The following DGKB variants were observed in gnomAD, a reference collection of about 807,000 sequenced individuals.
DGKB encodes 90 kDa diacylglycerol kinase.
In DGKB, 67 loss-of-function variants were observed where a neutral mutation model predicts 114.3. That is an observed-to-expected ratio of 0.59 (90% CI 0.48 to 0.72). DGKB has a LOEUF of 0.72. DGKB is among the 30% of genes least tolerant of loss of function. The pLI, the probability that DGKB is intolerant of heterozygous loss-of-function variation, is 0.00. For missense variants in DGKB, 907 were observed against 975.2 expected (o/e 0.93, Z 0.93); for synonymous variants, 398 against 323.1 (o/e 1.23, Z -2.49).
intron 2 of DGKB, among the ~76,000 whole-genome samples, chr7:14,780,535 C>T (rs1283189693): frequency 6.6e-6 from 1 of 152,162 alleles, no homozygotes; most frequent in Non-Finnish European, 1.5e-5. Context: ...TTCCAAGCAT[C>T]AGGTAAATTC....
At chr7:14,579,473 T>C (rs551790424) in intron 19 of DGKB, among the ~76,000 whole-genome samples, 8 of 152,352 alleles carry the variant, frequency 5.3e-5, no homozygotes, top group African/African-American at 1.4e-4. Context: ...ACATCAAATA[T>C]ATGTTCCAGG....
At chr7:14,952,361 G>A (rs924941217) in intron 1 of DGKB, among the ~76,000 whole-genome samples, 7 of 151,880 alleles carry the variant, frequency 4.6e-5, no homozygotes, top group South Asian at 2.1e-4. Context: ...ATATAACATC[G>A]CACGTACATG....
chr7:14,415,498 C>T (rs1174812193), intron 21 of DGKB, among the ~76,000 whole-genome samples: 2 of 151,488 alleles, frequency 1.3e-5, no homozygotes, highest in Non-Finnish European at 2.9e-5. Context: ...TCAATTCCCA[C>T]CTATGAGTGA....
chr7:14,379,001 A>C (rs75117155), intron 21 of DGKB, among the ~76,000 whole-genome samples: 3,464 of 152,054 alleles, frequency 0.023, 70 homozygotes, highest in South Asian at 0.11. Flanking sequence ...AAAGTAAAGC[A>C]TAATGAGATT....
At chr7:14,381,058 T>C (rs916941834) in intron 21 of DGKB, among the ~76,000 whole-genome samples, 10 of 152,306 alleles carry the variant, frequency 6.6e-5, no homozygotes, top group Non-Finnish European at 1.3e-4. Context: ...CAGTGCATGA[T>C]GGAGCTGTGG....
chr7:14,941,747 G>T (rs1410400144), intron 1 of DGKB, among the ~76,000 whole-genome samples: 1 of 151,862 alleles, frequency 6.6e-6, no homozygotes, highest in Non-Finnish European at 1.5e-5. Context: ...ATTTTTTAAT[G>T]GTACTAGATT....
At chr7:14,288,498 A>G (rs527754719) in intron 23 of DGKB, among the ~76,000 whole-genome samples, 1 of 152,034 alleles carries the variant, frequency 6.6e-6, no homozygotes, top group Non-Finnish European at 1.5e-5. Context: ...AATTGCTGTC[A>G]TTTACTTCTG....
intron 15 of DGKB, among the ~76,000 whole-genome samples, chr7:14,618,170 T>C (rs573248296): frequency 6.6e-6 from 1 of 151,162 alleles, no homozygotes; most frequent in African/African-American, 2.4e-5. Flanking sequence ...GAAAGTGAAT[T>C]GATTATATAG....
intron 23 of DGKB, among the ~76,000 whole-genome samples, chr7:14,228,031 G>A (rs995062831): frequency 2.0e-5 from 3 of 152,016 alleles, no homozygotes; most frequent in Non-Finnish European, 4.4e-5. Flanking sequence ...GTATAGAGTA[G>A]TTTAACCCAT....
chr7:14,938,826 T>C (rs185050592), intron 1 of DGKB, among the ~76,000 whole-genome samples: 235 of 152,290 alleles, frequency 1.5e-3, no homozygotes, highest in Admixed American at 3.3e-3. Context: ...ATTTCCAGTA[T>C]AGTATCATAA....
intron 13 of DGKB, among the ~76,000 whole-genome samples, chr7:14,671,390 C>T (rs1371749522): frequency 2.0e-5 from 3 of 152,020 alleles, no homozygotes; most frequent in Non-Finnish European, 2.9e-5. Context: ...AAATGGTAAA[C>T]AACAAATGCT....
intron 21 of DGKB, among the ~76,000 whole-genome samples, chr7:14,458,076 A>C (rs772781946): frequency 6.6e-6 from 1 of 152,062 alleles, no homozygotes; most frequent in South Asian, 2.1e-4. Context: ...AGCCTTGATT[A>C]AAAAAAACGA....
chr7:14,857,116 T>C (rs953244747), intron 1 of DGKB, among the ~76,000 whole-genome samples: 4 of 152,144 alleles, frequency 2.6e-5, no homozygotes, highest in African/African-American at 9.7e-5. Flanking sequence ...AGAAGCTTAT[T>C]CTGGGTGAAC....
intron 1 of DGKB, among the ~76,000 whole-genome samples, chr7:14,921,559 C>T (rs986867472): frequency 3.9e-5 from 6 of 152,124 alleles, no homozygotes; most frequent in Non-Finnish European, 7.4e-5. Context: ...GCAATGTCTG[C>T]AAATGTTTTT....
intron 1 of DGKB, among the ~76,000 whole-genome samples, chr7:14,899,909 G>A (rs996900203): frequency 2.6e-5 from 4 of 152,010 alleles, no homozygotes; most frequent in African/African-American, 9.7e-5. Flanking sequence ...TAGTCACATC[G>A]AGTGGTAAAT....
At chr7:14,614,620 C>G (rs562961902) in intron 15 of DGKB, among the ~76,000 whole-genome samples, 1 of 152,028 alleles carries the variant, frequency 6.6e-6, no homozygotes, top group South Asian at 2.1e-4. Context: ...AAATATTCTA[C>G]TAACATATTT....
At chr7:14,659,880 A>G (rs1239317882) in intron 13 of DGKB, among the ~76,000 whole-genome samples, 3 of 152,002 alleles carry the variant, frequency 2.0e-5, no homozygotes, top group Non-Finnish European at 4.4e-5. Flanking sequence ...TGTCATAGAT[A>G]GCTCTAACTA....
chr7:14,395,795 G>A (rs1583626786), intron 21 of DGKB, among the ~76,000 whole-genome samples: 2 of 151,842 alleles, frequency 1.3e-5, no homozygotes, highest in African/African-American at 4.8e-5. Context: ...ATAAAAAACA[G>A]TGAATTTAAG....
chr7:14,934,090 C>T (rs1278223213), intron 1 of DGKB, among the ~76,000 whole-genome samples: 1 of 152,214 alleles, frequency 6.6e-6, no homozygotes, highest in East Asian at 1.9e-4. Context: ...AAGATCAATT[C>T]CCTCAGGAAA....
Sources: allele counts gnomAD v4.1 joint callset (sites outside exome capture counted in the v4.1 genomes callset), GRCh38; gene constraint gnomAD v4.1.1; transcripts MANE v1.5; gene names NCBI Gene and HGNC (gene_info 2026-07-23, HGNC 2026-07-21).